TGFB3: variants seen among roughly 807,000 people sequenced by gnomAD.
TGFB3 encodes the protein transforming growth factor beta 3, also known as transforming growth factor beta-3 proprotein.
A neutral mutation model predicts 40.1 loss-of-function variants in TGFB3; 5 were observed. The observed-to-expected ratio is 0.12, with a 90% CI of 0.07 to 0.26. The LOEUF (loss-of-function observed/expected upper bound fraction) is 0.26. Ranked by LOEUF, TGFB3 falls within the 10% of genes least tolerant of loss-of-function variation. The probability of loss-of-function intolerance (pLI) is 1.00; values close to 1 mark genes in which losing one functional copy is unlikely to be tolerated. For missense variants in TGFB3, 373 were observed against 530.1 expected, an observed-to-expected ratio of 0.70 and a Z score of 2.91; for synonymous variants, 184 against 205.6, an observed-to-expected ratio of 0.89 and a Z score of 0.90.
At chr14:75,970,650 C>CTCCCCTCTTCT (rs1555360738) in intron 3 of TGFB3, 1 of 153,868 alleles carries the variant, frequency 6.5e-6, no homozygotes, top group Admixed American at 6.2e-5. Flanking sequence ...CCCTGACCAC[C>CTCCCCTCTTCT]TCCCCTCCTC....
In TGFB3 at chr14:75,978,696, G is replaced by A. The variant is rs1049127746; in HGVS notation, c.352+1846C>T. Among the ~76,000 whole-genome samples the A allele has an allele frequency of 6.6e-6, 1 of 152,216 alleles. No individual in the cohort carries two copies. Reference sequence around the variant, plus strand: ...GCCCAGCATCTATGGGGCCCTGCCCGGGCTTTTCCCAAGGACATCTGCTAT... The same window carrying A: ...GCCCAGCATCTATGGGGCCCTGCCCAGGCTTTTCCCAAGGACATCTGCTAT... On this transcript the variant is annotated intron_variant, in intron 1 of 6. Coordinates refer to ENST00000238682, the MANE Select transcript of TGFB3 (RefSeq NM_003239.5). This position sits in a 1 kb window ranked among gnomAD's most constrained non-coding sequence, Gnocchi z 5.0.
At chr14:75,968,247 T>G (rs893093403) in intron 3 of TGFB3, among the ~76,000 whole-genome samples, 40 of 152,218 alleles carry the variant, frequency 2.6e-4, no homozygotes, top group African/African-American at 8.9e-4. Flanking sequence ...AGTCCTTTGT[T>G]GCCTGGTTTG....
At chr14:75,962,251 G>A (rs183979628) in intron 5 of TGFB3, among the ~76,000 whole-genome samples, 4 of 152,252 alleles carry the variant, frequency 2.6e-5, no homozygotes, top group East Asian at 3.9e-4. Context: ...AAGATCATTC[G>A]TTCCTAACTG....
At chr14:75,975,542 G>A (rs770967880) in intron 1 of TGFB3, among the ~76,000 whole-genome samples, 2 of 152,086 alleles carry the variant, frequency 1.3e-5, no homozygotes, top group Non-Finnish European at 2.9e-5. Flanking sequence ...TTGTTTTGTC[G>A]AGTTTTTATT....
At chr14:75,965,345 A>C (rs192041455) in intron 4 of TGFB3, among the ~76,000 whole-genome samples, 1 of 152,312 alleles carries the variant, frequency 6.6e-6, no homozygotes, top group Admixed American at 6.5e-5. Flanking sequence ...TTGCCTACAC[A>C]GTTTCACCAC....
rs532517095 is a variant in TGFB3 at position 75,963,485 on chromosome 14, C to T, written c.757G>A (p.Val253Met). 5.0e-5 allele frequency: 81 copies of T among 1,614,130 alleles called. No homozygotes were observed. In the African/African-American group the frequency reaches 5.7e-4, roughly 11 times the overall value. Reference sequence around the variant, plus strand: ...CGGCCATGGTCATCCTCATTGTCCACGCCTGAAGAAGGGAAGGAAAGTGAC... The same window carrying T: ...CGGCCATGGTCATCCTCATTGTCCATGCCTGAAGAAGGGAAGGAAAGTGAC... The part of the protein sequence containing the change: ...HEVMEIKFKG[V>M]DNEDDHGRGD... Residue 253 changes from valine (V) to methionine (M), a missense_variant and splice_region_variant, in exon 5 of 7, where the codon GTG becomes ATG. Transcript: ENST00000238682.
chr14:75,961,841 G>A (rs997464763), intron 5 of TGFB3, among the ~76,000 whole-genome samples: 7 of 152,136 alleles, frequency 4.6e-5, no homozygotes, highest in Non-Finnish European at 7.3e-5. Context: ...TTACAGAGTC[G>A]AAAACACCAG....
At position 75,971,431 on chromosome 14, in the gene TGFB3, C is replaced by G. The variant is rs537544730; in HGVS notation, c.516+124G>C. On this transcript the variant is annotated intron_variant, in intron 2 of 6. Transcript: ENST00000238682. The surrounding 1 kb of genome is among the most constrained non-coding windows in gnomAD (Gnocchi z 4.5). ...TTAATGACAGACACAGATACGGAAA[C>G]GAAGGCTCAGAGAAGCCAGGATTCA... is the stretch of plus-strand genomic sequence containing the variant. 1 of 1,531,596 alleles carries G rather than the reference C, an allele frequency of 6.5e-7. No individual in the cohort carries two copies. 94.9% of individuals were successfully genotyped at this position (1,531,596 alleles called of 1,614,324 possible).
chr14:75,962,930 CTG>C, intron 5 of TGFB3: 1 of 344,300 alleles, frequency 2.9e-6, no homozygotes, highest in South Asian at 2.6e-5. Context: ...AGGGAACTAA[CTG>C]AGCACTTCTT....
intron 1 of TGFB3, among the ~76,000 whole-genome samples, chr14:75,976,043 A>G (rs1293865578): frequency 6.6e-6 from 1 of 152,240 alleles, no homozygotes; most frequent in Non-Finnish European, 1.5e-5. Flanking sequence ...AGCAAAGAAT[A>G]TTCATGTACA....
chr14:75,969,102 G>A (rs2035256149), intron 3 of TGFB3, among the ~76,000 whole-genome samples: 1 of 152,152 alleles, frequency 6.6e-6, no homozygotes, highest in Non-Finnish European at 1.5e-5. Flanking sequence ...GAAATCTCCT[G>A]ACTTAAAACA....
chr14:75,963,934 T>A (rs1188837296), intron 4 of TGFB3, among the ~76,000 whole-genome samples: 2 of 152,154 alleles, frequency 1.3e-5, no homozygotes, highest in Non-Finnish European at 2.9e-5. Context: ...TGGAGTGCAG[T>A]GGCCCCATCT....
chr14:75,971,160 G>T lies in TGFB3; in HGVS notation c.612C>A (p.Val204=). ...ACAGCCACTCACGCACAGTGTCAGTGACATCAAAGGACAGCCACTCGGCAG... is the reference window on the plus strand; with the variant it reads ...ACAGCCACTCACGCACAGTGTCAGTTACATCAAAGGACAGCCACTCGGCAG... ...RGTAEWLSFD[V]TDTVREWLLR... is the part of the protein sequence containing the mutation. The change falls in exon 3 of 7, where the codon GTC becomes GTA. Residue 204 remains valine, a synonymous_variant. Transcript: ENST00000238682. The surrounding 1 kb of genome is among the most constrained non-coding windows in gnomAD (Gnocchi z 4.5). The T allele has an allele frequency of 6.2e-7, 1 of 1,614,138 alleles. No individual in the cohort carries two copies. The highest frequency in any genetic ancestry group is 1.1e-5 in the South Asian group (1 of 91,066).
intron 1 of TGFB3, among the ~76,000 whole-genome samples, chr14:75,975,383 A>AATTAAC (rs1275409842): frequency 6.6e-6 from 1 of 151,960 alleles, no homozygotes; most frequent in Non-Finnish European, 1.5e-5. Flanking sequence ...TTAAAATTAA[A>AATTAAC]ATTAATTAAA....
intron 5 of TGFB3, among the ~76,000 whole-genome samples, chr14:75,962,425 C>T (rs2035168207): frequency 6.6e-6 from 1 of 152,232 alleles, no homozygotes; most frequent in Non-Finnish European, 1.5e-5. Context: ...CAAGCCCAAC[C>T]ATCCTCATAA....
intron 5 of TGFB3, chr14:75,963,006 T>G: frequency 2.1e-6 from 1 of 483,160 alleles, no homozygotes; most frequent in Non-Finnish European, 3.8e-6. Flanking sequence ...ATGGAAATCA[T>G]GGAGAGGCTT....
chr14:75,981,088 C>A lies in TGFB3; in HGVS notation c.-195G>T. 1.6e-6 allele frequency: 1 copy of A among 630,224 alleles called. No individual in the cohort carries two copies. The highest frequency in any genetic ancestry group is 2.8e-6 in the Non-Finnish European group (1 of 351,562). The allele number at this position is 630,224 out of a possible 1,614,324, so 39.0% of individuals were successfully genotyped here. The stretch of plus-strand genomic sequence containing the variant: ...CAGGAAGCGCTGGCAACCCTGAGGA[C>A]GAAGAAGCGGACTGTGTGCCTTGTA... On this transcript the variant is annotated 5_prime_UTR_variant, in exon 1 of 7. Transcript: ENST00000238682. This position sits in a 1 kb window ranked among gnomAD's most constrained non-coding sequence, Gnocchi z 4.7.
chr14:75,981,096 C>T lies in TGFB3; in HGVS notation c.-203G>A, dbSNP rs571617576. ...GCTGGCAACCCTGAGGACGAAGAAG[C>T]GGACTGTGTGCCTTGTAGCGCTGGG... On this transcript the variant is annotated 5_prime_UTR_variant, in exon 1 of 7. Coordinates refer to ENST00000238682, the MANE Select transcript of TGFB3 (RefSeq NM_003239.5). The surrounding 1 kb of genome is among the most constrained non-coding windows in gnomAD (Gnocchi z 4.7). 1.1e-5 allele frequency: 7 copies of T among 620,008 alleles called. No homozygotes were observed. Among genetic ancestry groups the T allele is most frequent in the Admixed American group, 1.0e-4 (4 of 39,822 alleles). The allele number at this position is 620,008 out of a possible 1,614,324, so 38.4% of individuals were successfully genotyped here. A position where few individuals can be genotyped will look rare whatever the true frequency, so the allele number is the denominator to read the frequency against.
intron 1 of TGFB3, among the ~76,000 whole-genome samples, chr14:75,973,021 T>C (rs1475659756): frequency 6.6e-6 from 1 of 152,206 alleles, no homozygotes; most frequent in Non-Finnish European, 1.5e-5. Flanking sequence ...GAATGCTCTT[T>C]CCCACCCCTC....
Sources: gnomAD v4.1 joint callset for allele counts (sites outside exome capture counted in the v4.1 genomes callset) on GRCh38, gnomAD v4.1.1 for gene constraint, Gnocchi (gnomAD v3.1) non-coding constraint, MANE v1.5 for transcripts, NCBI Gene and HGNC (gene_info 2026-07-23, HGNC 2026-07-21) for gene names.